SMAD9: variants seen among roughly 807,000 people sequenced by gnomAD.
The protein encoded by SMAD9 is MAD homolog 9.
SMAD9 carries 36 observed loss-of-function variants against 46.1 expected under a neutral mutation model. That is an observed-to-expected ratio of 0.78 (90% CI 0.60 to 1.03). The LOEUF (loss-of-function observed/expected upper bound fraction) is 1.03, where lower values mean the gene tolerates loss of function less well. Among genes scored for constraint, SMAD9 ranks in the 50% least tolerant of loss-of-function variants. The probability of loss-of-function intolerance (pLI) is 0.00; values close to 1 mark genes in which losing one functional copy is unlikely to be tolerated. For missense variants in SMAD9, 572 were observed against 599.8 expected, an observed-to-expected ratio of 0.95 and a Z score of 0.48; for synonymous variants, 245 against 237.1, an observed-to-expected ratio of 1.03 and a Z score of -0.31.
intron 1 of SMAD9, among the ~76,000 whole-genome samples, chr13:36,881,498 C>T (rs543233264): frequency 6.6e-5 from 10 of 152,306 alleles, no homozygotes; most frequent in African/African-American, 2.4e-4. Flanking sequence ...CATTATCGGG[C>T]ACCTCAGGTG....
chr13:36,879,185 G>A (rs1301035264), intron 2 of SMAD9, 93 bp downstream of exon 2: 4 of 1,114,970 alleles, frequency 3.6e-6, no homozygotes, highest in Non-Finnish European at 4.0e-6. Context: ...TTTTGGGAGA[G>A]GTCCCTGTCT....
chr13:36,900,453 G>A (rs556439986), intron 1 of SMAD9, among the ~76,000 whole-genome samples: 1 of 151,878 alleles, frequency 6.6e-6, no homozygotes, highest in East Asian at 1.9e-4. Context: ...GCTAATTTTT[G>A]TATTTTTAGT....
chr13:36,899,538 A>C (rs1226048204), intron 1 of SMAD9, among the ~76,000 whole-genome samples: 1 of 152,162 alleles, frequency 6.6e-6, no homozygotes, highest in Non-Finnish European at 1.5e-5. Flanking sequence ...CATGAAAATG[A>C]CAAATTCAGG....
intron 1 of SMAD9, among the ~76,000 whole-genome samples, chr13:36,901,950 G>A (rs188135770): frequency 2.0e-5 from 3 of 152,182 alleles, no homozygotes; most frequent in Admixed American, 2.0e-4. Flanking sequence ...TTTTCTGTAT[G>A]TTGTCTTTTT....
chr13:36,917,460 T>G (rs1448402574), intron 1 of SMAD9, among the ~76,000 whole-genome samples: 1 of 151,930 alleles, frequency 6.6e-6, no homozygotes, highest in Non-Finnish European at 1.5e-5. Context: ...CAAGGAAATA[T>G]AAATCCAACA....
intron 2 of SMAD9, among the ~76,000 whole-genome samples, chr13:36,877,449 T>C (rs936929658): frequency 6.6e-6 from 1 of 152,232 alleles, no homozygotes; most frequent in Non-Finnish European, 1.5e-5. Context: ...TTTTACAAGA[T>C]ATTTCTTACA....
chr13:36,891,873 C>T (rs1043277434), intron 1 of SMAD9, among the ~76,000 whole-genome samples: 7 of 152,212 alleles, frequency 4.6e-5, no homozygotes, highest in Non-Finnish European at 1.0e-4. Flanking sequence ...ACCACACAAA[C>T]AAGCACTTCT....
rs1477518147 is a variant in SMAD9, at chr13:36,872,760, G to A, written c.568C>T (p.Pro190Ser). 1.2e-6 allele frequency: 2 copies of A among 1,614,068 alleles called. No homozygotes were observed. Among genetic ancestry groups the A allele is most frequent in the Non-Finnish European group, 1.7e-6 (2 of 1,180,012 alleles). The change falls in exon 3 of 7, where the codon CCT becomes TCT. Residue 190 changes from proline to serine, a missense_variant. Coordinates refer to ENST00000379826, the MANE Select transcript of SMAD9 (RefSeq NM_001127217.3). ...GAGAACGCGTGGCTGGGTGAGGGAG[G>A]GAGTGCAGAGCACGGAGGCTGCTGG... The part of the protein sequence containing the change: ...SFQQPPCSAL[P>S]PSPSHAFSQS...
At chr13:36,904,869 T>A (rs548551467) in intron 1 of SMAD9, among the ~76,000 whole-genome samples, 1 of 152,250 alleles carries the variant, frequency 6.6e-6, no homozygotes. Context: ...TAAATGACCA[T>A]AGCATAGCAC....
intron 1 of SMAD9, among the ~76,000 whole-genome samples, chr13:36,880,565 C>T (rs1397670301): frequency 6.6e-6 from 1 of 152,252 alleles, no homozygotes; most frequent in Non-Finnish European, 1.5e-5. Flanking sequence ...CTTTTCAGGA[C>T]AGTGGCTCTC....
intron 1 of SMAD9, among the ~76,000 whole-genome samples, chr13:36,881,333 C>T (rs553875534): frequency 6.6e-6 from 1 of 152,270 alleles, no homozygotes; most frequent in South Asian, 2.1e-4. Flanking sequence ...ATCTTGGAAT[C>T]GATGTAGCTT....
chr13:36,909,624 T>C (rs1342419267), intron 1 of SMAD9, among the ~76,000 whole-genome samples: 2 of 152,176 alleles, frequency 1.3e-5, no homozygotes, highest in African/African-American at 2.4e-5. Context: ...GGCAACATGA[T>C]ATAATGAATA....
At position 36,853,512 on chromosome 13, in the gene SMAD9, G is replaced by A. The variant is rs1593548280; in HGVS notation, c.1167C>T (p.Leu389=). 6.2e-7 allele frequency: 1 copy of A among 1,614,204 alleles called. No individual in the cohort carries two copies. Among genetic ancestry groups the A allele is most frequent in the Non-Finnish European group, 8.5e-7 (1 of 1,180,042 alleles). The change falls in exon 6 of 7, where the codon CTC becomes CTT. Residue 389 remains leucine, a synonymous_variant. Coordinates refer to ENST00000379826, the MANE Select transcript of SMAD9 (RefSeq NM_001127217.3). Reference sequence around the variant, plus strand: ...CTGACTGGGCCAGGAGCTGAGCGAAGAGCTGGTTGTTGAAGACCTTGAGGC... The same window carrying A: ...CTGACTGGGCCAGGAGCTGAGCGAAAAGCTGGTTGTTGAAGACCTTGAGGC... The part of the protein sequence containing the change: ...GCSLKVFNNQ[L]FAQLLAQSVH...
At chr13:36,883,078 C>A (rs201525143) in intron 1 of SMAD9, among the ~76,000 whole-genome samples, 1 of 152,196 alleles carries the variant, frequency 6.6e-6, no homozygotes, top group Admixed American at 6.5e-5. Flanking sequence ...CTGTTTGTCT[C>A]CAGGTGGTCA....
chr13:36,899,912 G>A (rs762198698), intron 1 of SMAD9, among the ~76,000 whole-genome samples: 21 of 152,092 alleles, frequency 1.4e-4, no homozygotes, highest in Non-Finnish European at 2.8e-4. Flanking sequence ...CATAAGTCAG[G>A]TCACAATCTT....
At chr13:36,887,169 T>C (rs1208803346) in intron 1 of SMAD9, among the ~76,000 whole-genome samples, 1 of 149,224 alleles carries the variant, frequency 6.7e-6, no homozygotes, top group South Asian at 2.1e-4. Flanking sequence ...CATGTCCAGT[T>C]TGAATGGGTT....
chr13:36,893,402 AT>A (rs1334692692), intron 1 of SMAD9, among the ~76,000 whole-genome samples: 1 of 148,288 alleles, frequency 6.7e-6, no homozygotes, highest in Non-Finnish European at 1.5e-5. Flanking sequence ...ATATATATAT[AT>A]TTCCCCCTTC....
Position 36,865,613 on chromosome 13 carries a change from G to A in SMAD9, c.927C>T (p.Asn309=). The A allele has an allele frequency of 2.5e-6, 4 of 1,614,146 alleles. No homozygotes were observed. Among genetic ancestry groups the A allele is most frequent in the Admixed American group, 1.7e-5 (1 of 60,020 alleles). The change falls in exon 5 of 7, where the codon AAC becomes AAT. Residue 309 remains asparagine, a synonymous_variant. Transcript: ENST00000379826. The part of the protein sequence containing the change: ...DGFTDPSNNR[N]RFCLGLLSNV... ...TAGAAAGAAGTCCAAGACAGAATCT[G>A]TTCCTGTTATTTGAAGGGTCGGTGA...
At chr13:36,901,185 A>G (rs774937110) in intron 1 of SMAD9, among the ~76,000 whole-genome samples, 34 of 152,200 alleles carry the variant, frequency 2.2e-4, no homozygotes, top group Non-Finnish European at 4.7e-4. Flanking sequence ...TTTCGAGCAT[A>G]TACCTAGGAG....
Sources: allele counts gnomAD v4.1 joint callset (sites outside exome capture counted in the v4.1 genomes callset), GRCh38; gene constraint gnomAD v4.1.1; transcripts MANE v1.5; gene names NCBI Gene and HGNC (gene_info 2026-07-23, HGNC 2026-07-21).